PTPRD: variants seen among roughly 807,000 people sequenced by gnomAD.
The protein encoded by PTPRD is receptor-type tyrosine-protein phosphatase delta.
A neutral mutation model predicts 214.5 loss-of-function variants in PTPRD; 34 were observed. The observed-to-expected ratio is 0.16, with a 90% CI of 0.12 to 0.21. The LOEUF is 0.21. Among genes scored for constraint, PTPRD ranks in the 10% least tolerant of loss-of-function variants. PTPRD has a pLI of 1.00. For missense variants in PTPRD, 2,545 were observed against 2,398.7 expected, an observed-to-expected ratio of 1.06 and a Z score of -1.27; for synonymous variants, 1,128 against 845.7, an observed-to-expected ratio of 1.33 and a Z score of -5.79.
At chr9:8,533,898 C>T (rs1197153820) in intron 14 of PTPRD, among the ~76,000 whole-genome samples, 2 of 152,024 alleles carry the variant, frequency 1.3e-5, no homozygotes, top group Non-Finnish European at 2.9e-5. Flanking sequence ...TTCCTCAATG[C>T]CACTCACTGA....
chr9:10,225,931 T>C (rs1006223807), intron 3 of PTPRD, among the ~76,000 whole-genome samples: 3 of 152,060 alleles, frequency 2.0e-5, no homozygotes, highest in Admixed American at 6.6e-5. Context: ...AACAACTTTA[T>C]TGAGAACTTA....
intron 9 of PTPRD, among the ~76,000 whole-genome samples, chr9:9,272,329 A>T (rs560367370): frequency 6.6e-6 from 1 of 151,468 alleles, no homozygotes; most frequent in East Asian, 2.0e-4. Context: ...GAACTTCATT[A>T]AAAAAATAAA....
intron 9 of PTPRD, among the ~76,000 whole-genome samples, chr9:9,361,288 G>C (rs1012517400): frequency 1.3e-5 from 2 of 150,924 alleles, no homozygotes; most frequent in African/African-American, 2.4e-5. Context: ...TACCACCGGG[G>C]ATATCTTTCA....
rs12344233 is a variant in PTPRD, at chr9:9,451,744, A to G, written c.-236-54262T>C. ...GAGTTAGAAAGCATTAAATTAATAA[A>G]GTACACTTGAAAAGCAACCAAATAG... On this transcript the variant is annotated intron_variant, in intron 8 of 45. Transcript: ENST00000381196. Among the ~76,000 whole-genome samples the G allele has an allele frequency of 5.7e-3, 865 of 151,792 alleles. 4 individuals are homozygous for G. Among genetic ancestry groups the G allele is most frequent in the African/African-American group, 0.02 (812 of 41,502 alleles).
chr9:9,422,116 T>A (rs1391606750), intron 8 of PTPRD, among the ~76,000 whole-genome samples: 2 of 152,134 alleles, frequency 1.3e-5, no homozygotes, highest in Non-Finnish European at 2.9e-5. Flanking sequence ...ACTGTGTGAT[T>A]GGTACTACAC....
At chr9:8,948,589 A>G (rs2099085221) in intron 11 of PTPRD, among the ~76,000 whole-genome samples, 1 of 116,640 alleles carries the variant, frequency 8.6e-6, no homozygotes, top group South Asian at 2.5e-4. Context: ...ACACACACAC[A>G]CAATGAAACG....
intron 39 of PTPRD, among the ~76,000 whole-genome samples, chr9:8,358,581 T>C (rs544911008): frequency 6.6e-6 from 1 of 152,274 alleles, no homozygotes; most frequent in South Asian, 2.1e-4. Flanking sequence ...TCCTAAGTTT[T>C]CTATGATACT....
At chr9:8,349,572 A>G (rs747601823) in intron 39 of PTPRD, among the ~76,000 whole-genome samples, 7 of 152,278 alleles carry the variant, frequency 4.6e-5, no homozygotes, top group East Asian at 1.9e-4. Flanking sequence ...TTGAAACATG[A>G]TAAGAACAGC....
intron 10 of PTPRD, among the ~76,000 whole-genome samples, chr9:9,117,283 G>C (rs760973810): frequency 2.6e-4 from 39 of 150,128 alleles, no homozygotes. Context: ...TAATTCGTGA[G>C]TACAAAAGCA....
chr9:9,746,881 T>C (rs944625397), intron 6 of PTPRD, among the ~76,000 whole-genome samples: 2 of 150,816 alleles, frequency 1.3e-5, no homozygotes, highest in African/African-American at 4.9e-5. Context: ...AGACAAAATA[T>C]AGACAAGTAT....
intron 9 of PTPRD, among the ~76,000 whole-genome samples, chr9:9,283,126 T>G (rs1948295432): frequency 6.7e-6 from 1 of 150,278 alleles, no homozygotes; most frequent in Non-Finnish European, 1.5e-5. Context: ...CTTCTTTGCT[T>G]CATTTCCTTT....
chr9:10,247,975 T>G (rs1223558032), intron 3 of PTPRD, among the ~76,000 whole-genome samples: 1 of 152,062 alleles, frequency 6.6e-6, no homozygotes, highest in African/African-American at 2.4e-5. Context: ...GCTGTTCTCA[T>G]GATAGTGAAT....
At chr9:8,468,450 T>C (rs901145629) in intron 31 of PTPRD, among the ~76,000 whole-genome samples, 5 of 151,998 alleles carry the variant, frequency 3.3e-5, no homozygotes, top group African/African-American at 9.7e-5. Flanking sequence ...TGACTATCAA[T>C]GTCTGCTCTA....
chr9:9,916,094 C>CA lies in PTPRD; in HGVS notation c.-368+22412dup, dbSNP rs201403712. 1.1e-4 allele frequency among the ~76,000 whole-genome samples: 16 copies of CA among 142,188 alleles called. No homozygotes were observed. In the South Asian group the frequency reaches 1.6e-3, roughly 14 times the overall value. 93.3% of individuals were successfully genotyped at this position (142,188 alleles called of 152,430 possible). ...AGTACTAAAATTAAAAAAAAAAAAA[C>CA]AAAAAACTGTCAGCTACAAATACTA... On this transcript the variant is annotated intron_variant, in intron 5 of 45. Transcript: ENST00000381196.
intron 11 of PTPRD, among the ~76,000 whole-genome samples, chr9:8,878,814 T>C (rs915174002): frequency 2.6e-5 from 4 of 152,198 alleles, no homozygotes; most frequent in Non-Finnish European, 5.9e-5. Context: ...GATTACAGCA[T>C]AAGTTATCAC....
At chr9:9,180,906 A>C (rs1025172544) in intron 10 of PTPRD, among the ~76,000 whole-genome samples, 18 of 152,152 alleles carry the variant, frequency 1.2e-4, no homozygotes, top group Admixed American at 9.2e-4. Context: ...GTTGGAACTG[A>C]AAAGAGCCAG....
intron 35 of PTPRD, among the ~76,000 whole-genome samples, chr9:8,424,388 G>C (rs2094534047): frequency 6.6e-6 from 1 of 152,096 alleles, no homozygotes; most frequent in African/African-American, 2.4e-5. Flanking sequence ...GTGTGACCTT[G>C]AGTAAGTTAC....
chr9:10,449,068 C>A (rs577602601), intron 2 of PTPRD, among the ~76,000 whole-genome samples: 2 of 151,464 alleles, frequency 1.3e-5, no homozygotes, highest in South Asian at 4.1e-4. Context: ...TCCCACTTTC[C>A]ACGGTCTCCC....
At chr9:9,998,877 A>G (rs2154090459) in intron 4 of PTPRD, among the ~76,000 whole-genome samples, 1 of 152,274 alleles carries the variant, frequency 6.6e-6, no homozygotes, top group Middle Eastern at 3.4e-3. Context: ...AAGAAAAGAC[A>G]TTTTCTTACC....
Sources: allele counts gnomAD v4.1 joint callset (sites outside exome capture counted in the v4.1 genomes callset), GRCh38; gene constraint gnomAD v4.1.1; transcripts MANE v1.5; gene names NCBI Gene and HGNC (gene_info 2026-07-23, HGNC 2026-07-21).